The following PDE5A variants were observed in gnomAD, a reference collection of about 807,000 sequenced individuals.
PDE5A encodes cGMP-specific 3',5'-cyclic phosphodiesterase.
PDE5A carries 67 observed loss-of-function variants against 110.2 expected under a neutral mutation model. The observed-to-expected ratio is 0.61, with a 90% CI of 0.50 to 0.75. The LOEUF is 0.75. Ranked by LOEUF, PDE5A falls within the 30% of genes least tolerant of loss-of-function variation. The probability of loss-of-function intolerance (pLI) is 0.00; values close to 1 mark genes in which losing one functional copy is unlikely to be tolerated. For synonymous variants in PDE5A, 328 were observed against 351.2 expected, an observed-to-expected ratio of 0.93 and a Z score of 0.74; for missense variants, 862 against 1,045.1, an observed-to-expected ratio of 0.82 and a Z score of 2.42.
intron 11 of PDE5A, among the ~76,000 whole-genome samples, chr4:119,537,462 C>T (rs1383929272): frequency 6.6e-6 from 1 of 151,874 alleles, no homozygotes. Context: ...TTTGAAACTA[C>T]TTTATTTTGC....
intron 2 of PDE5A, among the ~76,000 whole-genome samples, chr4:119,602,378 C>G (rs944293252): frequency 2.0e-5 from 3 of 152,240 alleles, no homozygotes; most frequent in African/African-American, 7.2e-5. Context: ...GTTTCTTATA[C>G]TGGTCTTGCA....
intron 3 of PDE5A, among the ~76,000 whole-genome samples, chr4:119,571,526 C>T (rs528486602): frequency 6.6e-6 from 1 of 152,114 alleles, no homozygotes; most frequent in African/African-American, 2.4e-5. Context: ...GCTAGAAGGG[C>T]CAAGAGAACA....
chr4:119,527,672 TCA>T (rs1386571546), intron 11 of PDE5A, among the ~76,000 whole-genome samples: 5 of 151,972 alleles, frequency 3.3e-5, no homozygotes, highest in South Asian at 4.1e-4. Flanking sequence ...TTCCAGATTT[TCA>T]CAGTTTCTTG....
At chr4:119,587,227 CTT>C (rs35539932) in intron 3 of PDE5A, among the ~76,000 whole-genome samples, 3,046 of 134,056 alleles carry the variant, frequency 0.023, 69 homozygotes, top group African/African-American at 0.063. Flanking sequence ...GTAACTTTTC[CTT>C]TTTTTTTTTT....
chr4:119,609,953 AACC>A (rs1396149587), intron 1 of PDE5A, among the ~76,000 whole-genome samples: 5 of 152,320 alleles, frequency 3.3e-5, no homozygotes, highest in African/African-American at 9.6e-5. Context: ...AAAGGAAAAC[AACC>A]TCACTGGCCT....
intron 7 of PDE5A, among the ~76,000 whole-genome samples, chr4:119,555,767 G>A (rs1727515125): frequency 6.6e-6 from 1 of 152,086 alleles, no homozygotes; most frequent in Non-Finnish European, 1.5e-5. Flanking sequence ...TAGAGAAAGA[G>A]AAGTAGAAAA....
At chr4:119,605,670 A>C (rs957016847) in intron 2 of PDE5A, among the ~76,000 whole-genome samples, 2 of 151,932 alleles carry the variant, frequency 1.3e-5, no homozygotes, top group Non-Finnish European at 2.9e-5. Flanking sequence ...AATTTTCTCT[A>C]TCTTTCCCAC....
intron 11 of PDE5A, among the ~76,000 whole-genome samples, chr4:119,531,688 G>A (rs943030347): frequency 6.6e-6 from 1 of 152,058 alleles, no homozygotes; most frequent in African/African-American, 2.4e-5. Flanking sequence ...ACTAGATATT[G>A]AAAATTGATG....
At chr4:119,501,046 T>G (rs1725305310) in intron 20 of PDE5A, 124 bp downstream of exon 20, 3 of 615,248 alleles carry the variant, frequency 4.9e-6, no homozygotes, top group South Asian at 2.0e-5. Context: ...GAAACCATAC[T>G]GCTAATAATT....
At chr4:119,537,459 CTACTT>C (rs551831445) in intron 11 of PDE5A, among the ~76,000 whole-genome samples, 82 of 152,118 alleles carry the variant, frequency 5.4e-4, no homozygotes, top group African/African-American at 1.9e-3. Context: ...CTTTTTGAAA[CTACTT>C]TATTTTGCCT....
At chr4:119,610,468 C>T (rs1194183369) in intron 1 of PDE5A, among the ~76,000 whole-genome samples, 1 of 152,072 alleles carries the variant, frequency 6.6e-6, no homozygotes, top group Admixed American at 6.5e-5. Context: ...AACTTAGCCC[C>T]AACTTATTTC....
At chr4:119,545,843 C>T (rs973548251) in intron 9 of PDE5A, among the ~76,000 whole-genome samples, 1 of 152,162 alleles carries the variant, frequency 6.6e-6, no homozygotes, top group African/African-American at 2.4e-5. Context: ...AAATTAGCAT[C>T]CTGCCTTATT....
At chr4:119,504,989 A>G (rs1005068112) in intron 17 of PDE5A, among the ~76,000 whole-genome samples, 3 of 152,080 alleles carry the variant, frequency 2.0e-5, no homozygotes, top group African/African-American at 7.2e-5. Context: ...ATCAGGTATC[A>G]TACTGATAAA....
In PDE5A at chr4:119,607,160, G is replaced by A; in HGVS notation, c.290C>T (p.Pro97Leu). 8 of 1,614,098 alleles carry A rather than the reference G, an allele frequency of 5.0e-6. No individual in the cohort carries two copies. The highest frequency in any genetic ancestry group is 6.8e-6 in the Non-Finnish European group (8 of 1,180,010). The change falls in exon 2 of 21, where the codon CCA becomes CTA. Residue 97 changes from proline (P) to leucine (L), a missense_variant. Transcript: ENST00000354960. Reference protein sequence around the residue: ...PRADNSAPGTPTRKISASEFD... With the variant: ...PRADNSAPGTLTRKISASEFD... ...TTCAGAGGCAGAGATTTTCCTGGTT[G>A]GTGTTCCAGGGGCACTGTTATCTGC...
chr4:119,568,362 G>A (rs1456876768), intron 3 of PDE5A, among the ~76,000 whole-genome samples: 1 of 152,024 alleles, frequency 6.6e-6, no homozygotes, highest in Non-Finnish European at 1.5e-5. Context: ...TTGTAGTTAC[G>A]AATGTTCACG....
chr4:119,501,481 T>C (rs10031483), intron 19 of PDE5A, among the ~76,000 whole-genome samples: 40,404 of 151,942 alleles, frequency 0.27, 5,482 homozygotes, highest in East Asian at 0.38. Context: ...TTATTTTTAT[T>C]AGCGACAGGG....
intron 14 of PDE5A, 47 bp from the exon 15 acceptor site, chr4:119,511,181 T>C: frequency 8.6e-7 from 1 of 1,163,278 alleles, no homozygotes; most frequent in African/African-American, 1.5e-5. Context: ...GTTTCCTTAA[T>C]ATGCCATTTA....
In PDE5A at chr4:119,578,450, A is replaced by G. The variant is rs1280361590; in HGVS notation, c.832-11306T>C. Reference sequence around the variant, plus strand: ...TGACTTCAAACTATACTACAAGGCTACAGTAACCAAAACAGCATGGTACTG... The same window carrying G: ...TGACTTCAAACTATACTACAAGGCTGCAGTAACCAAAACAGCATGGTACTG... On this transcript the variant is annotated intron_variant, in intron 3 of 20. Coordinates refer to ENST00000354960, the MANE Select transcript of PDE5A (RefSeq NM_001083.4). 3.9e-5 allele frequency among the ~76,000 whole-genome samples: 6 copies of G among 152,188 alleles called. No individual in the cohort carries two copies. The East Asian group carries it at 9.6e-4, about 24-fold the overall frequency.
At chr4:119,515,831 A>AC (rs1427942615) in intron 14 of PDE5A, among the ~76,000 whole-genome samples, 1 of 152,118 alleles carries the variant, frequency 6.6e-6, no homozygotes, top group East Asian at 1.9e-4. Flanking sequence ...CTGTGGTTCT[A>AC]ATTTCTACCC....
Sources: allele counts gnomAD v4.1 joint callset (sites outside exome capture counted in the v4.1 genomes callset), GRCh38; gene constraint gnomAD v4.1.1; transcripts MANE v1.5; gene names NCBI Gene and HGNC (gene_info 2026-07-23, HGNC 2026-07-21).